The following SUCLG2 variants were observed in gnomAD, a reference collection of about 807,000 sequenced individuals.
SUCLG2 encodes the protein succinate--CoA ligase [GDP-forming] subunit beta, mitochondrial.
SUCLG2 carries 42 observed loss-of-function variants against 47.9 expected under a neutral mutation model. That is an observed-to-expected ratio of 0.88 (90% CI 0.69 to 1.14). The LOEUF is 1.14. Ranked by LOEUF, SUCLG2 falls within the 50% of genes most tolerant of loss-of-function variation. The pLI, the probability that SUCLG2 is intolerant of heterozygous loss-of-function variation, is 0.00. For missense variants in SUCLG2, 571 were observed against 525.9 expected, an observed-to-expected ratio of 1.09 and a Z score of -0.84; for synonymous variants, 195 against 197.3, an observed-to-expected ratio of 0.99 and a Z score of 0.10.
chr3:67,523,592 C>A (rs1706178352), intron 4 of SUCLG2, among the ~76,000 whole-genome samples: 1 of 152,046 alleles, frequency 6.6e-6, no homozygotes, highest in African/African-American at 2.4e-5. Context: ...AACAACTTGT[C>A]GTTTATAGAA....
intron 2 of SUCLG2, among the ~76,000 whole-genome samples, chr3:67,568,691 T>C (rs1707531930): frequency 6.6e-6 from 1 of 152,024 alleles, no homozygotes; most frequent in Non-Finnish European, 1.5e-5. Context: ...ATCGAGACCA[T>C]CCTGGCTAAC....
intron 1 of SUCLG2, among the ~76,000 whole-genome samples, chr3:67,648,657 G>C (rs9309856): frequency 4.7e-4 from 71 of 152,282 alleles, no homozygotes; most frequent in African/African-American, 1.5e-3. Context: ...ATAATGTGTG[G>C]AGATTACTTC....
At chr3:67,454,806 C>G (rs575898908) in intron 9 of SUCLG2, among the ~76,000 whole-genome samples, 1 of 151,944 alleles carries the variant, frequency 6.6e-6, no homozygotes, top group East Asian at 1.9e-4. Context: ...ACTAAAAATA[C>G]AAAAAATTAG....
intron 9 of SUCLG2, among the ~76,000 whole-genome samples, chr3:67,460,623 G>A (rs1407074453): frequency 2.0e-5 from 3 of 152,140 alleles, no homozygotes; most frequent in African/African-American, 7.2e-5. Context: ...TGAGGAAACT[G>A]AGGTCCAAAT....
chr3:67,528,674 T>TG (rs1706319202), intron 3 of SUCLG2, among the ~76,000 whole-genome samples: 1 of 152,010 alleles, frequency 6.6e-6, no homozygotes, highest in African/African-American at 2.4e-5. Flanking sequence ...ATGCAGGAGA[T>TG]GAAGTTGAAA....
intron 10 of SUCLG2, among the ~76,000 whole-genome samples, chr3:67,390,544 G>T (rs1167845344): frequency 2.0e-5 from 3 of 152,044 alleles, no homozygotes; most frequent in Admixed American, 2.0e-4. Context: ...GATTATTTTT[G>T]TTCAAAAGAC....
At chr3:67,644,499 G>C (rs563449369) in intron 1 of SUCLG2, among the ~76,000 whole-genome samples, 3 of 152,196 alleles carry the variant, frequency 2.0e-5, no homozygotes, top group South Asian at 4.1e-4. Context: ...GGGGGAGTTA[G>C]CATTGAATAG....
chr3:67,496,896 TAATTA>T (rs988058794), intron 8 of SUCLG2, among the ~76,000 whole-genome samples: 7 of 152,296 alleles, frequency 4.6e-5, no homozygotes, highest in African/African-American at 1.7e-4. Flanking sequence ...TGACTGTGAC[TAATTA>T]AATTTGGAGT....
intron 2 of SUCLG2, among the ~76,000 whole-genome samples, chr3:67,541,116 G>T (rs1177217492): frequency 6.6e-6 from 1 of 152,054 alleles, no homozygotes; most frequent in Non-Finnish European, 1.5e-5. Context: ...GTACAAAAAG[G>T]CTGAAAATTC....
Position 67,518,297 on chromosome 3 carries a change from C to T in SUCLG2, c.610G>A (p.Ala204Thr), listed in dbSNP as rs558481326. 1.3e-5 allele frequency: 21 copies of T among 1,612,584 alleles called. No individual in the cohort carries two copies. The African/African-American group carries it at 1.5e-4, about 11-fold the overall frequency. The part of the protein sequence containing the change: ...DIFEGIKDSQ[A>T]QRMAENLGFV... ...CCTAGATTTTCGGCCATCCGCTGAGCTTGGCTGTCCTTTATTCCTTCAAAA... is the reference window on the plus strand; with the variant it reads ...CCTAGATTTTCGGCCATCCGCTGAGTTTGGCTGTCCTTTATTCCTTCAAAA... Residue 204 changes from alanine to threonine, a missense_variant, in exon 6 of 11, where the codon GCT (alanine) becomes ACT (threonine). Physicochemically the swap from Ala to Thr is moderately conservative, Grantham distance 58. Coordinates refer to ENST00000307227, the MANE Select transcript of SUCLG2 (RefSeq NM_003848.4).
rs185820586 is a variant in SUCLG2 at position 67,375,866 on chromosome 3, G to T, written c.1184-7C>A. The T allele has an allele frequency of 3.7e-6, 6 of 1,611,844 alleles. No individual in the cohort carries two copies. The South Asian group carries it at 5.5e-5, about 15-fold the overall frequency. On this transcript the variant is annotated splice_polypyrimidine_tract_variant and splice_region_variant and intron_variant, in intron 10 of 10. Coordinates refer to ENST00000307227, the MANE Select transcript of SUCLG2 (RefSeq NM_003848.4). ...GCCTCTTGGACGTTGGTTCCTAGAA[G>T]GGGGACAGGGAACAATCACTGAATG...
At chr3:67,653,936 A>G (rs1453647253) in intron 1 of SUCLG2, among the ~76,000 whole-genome samples, 1 of 152,232 alleles carries the variant, frequency 6.6e-6, no homozygotes, top group African/African-American at 2.4e-5. Flanking sequence ...CATTGGAAAG[A>G]GGAGAAAGAT....
chr3:67,392,396 T>C (rs553515297), intron 10 of SUCLG2, among the ~76,000 whole-genome samples: 4 of 152,336 alleles, frequency 2.6e-5, no homozygotes, highest in South Asian at 2.1e-4. Context: ...TAAAAAACAC[T>C]TCTTAATGCT....
Position 67,458,438 on chromosome 3 carries a change from T to C in SUCLG2, c.1062+37360A>G, listed in dbSNP as rs557214454. ...GTAGGGCTTTACTGCATGAGAACAATTCTGTATATTATCAAACACACAGCA... is the reference window on the plus strand; with the variant it reads ...GTAGGGCTTTACTGCATGAGAACAACTCTGTATATTATCAAACACACAGCA... On this transcript the variant is annotated intron_variant, in intron 9 of 10. Transcript: ENST00000307227. Among the ~76,000 whole-genome samples the C allele has an allele frequency of 3.3e-5, 5 of 152,308 alleles. 1 individual carries two copies. The highest frequency in any genetic ancestry group is 7.2e-5 in the African/African-American group (3 of 41,564).
At chr3:67,590,708 A>G (rs1708136923) in intron 2 of SUCLG2, among the ~76,000 whole-genome samples, 3 of 152,168 alleles carry the variant, frequency 2.0e-5, no homozygotes, top group African/African-American at 7.2e-5. Flanking sequence ...GAGCCAATTA[A>G]ACCTCTTTTC....
chr3:67,618,249 G>A (rs923368441), intron 1 of SUCLG2, among the ~76,000 whole-genome samples: 11 of 152,052 alleles, frequency 7.2e-5, no homozygotes, highest in Non-Finnish European at 1.3e-4. Context: ...GTGAAAGCCC[G>A]TCTCTACTAA....
chr3:67,450,026 A>C (rs913427953), intron 9 of SUCLG2, among the ~76,000 whole-genome samples: 3 of 80,498 alleles, frequency 3.7e-5, no homozygotes, highest in African/African-American at 4.3e-5. Context: ...ATACAAAAAA[A>C]CAGTATTTTT....
intron 9 of SUCLG2, among the ~76,000 whole-genome samples, chr3:67,464,739 A>G (rs1300989153): frequency 6.6e-6 from 1 of 152,248 alleles, no homozygotes; most frequent in Non-Finnish European, 1.5e-5. Context: ...ACCTCCATAT[A>G]TTAACAGATG....
chr3:67,464,239 T>A (rs1403209502), intron 9 of SUCLG2, among the ~76,000 whole-genome samples: 1 of 152,186 alleles, frequency 6.6e-6, no homozygotes, highest in East Asian at 1.9e-4. Flanking sequence ...TTACTTAAAG[T>A]ATAAGCACCA....
Sources: allele counts gnomAD v4.1 joint callset (sites outside exome capture counted in the v4.1 genomes callset), GRCh38; gene constraint gnomAD v4.1.1; transcripts MANE v1.5; gene names NCBI Gene and HGNC (gene_info 2026-07-23, HGNC 2026-07-21).